Variants in ATP2A2 observed in about 807,000 individuals in gnomAD.
ATP2A2 encodes the protein sarcoplasmic/endoplasmic reticulum calcium ATPase 2.
A neutral mutation model predicts 109.3 loss-of-function variants in ATP2A2; 14 were observed. The ratio of observed to expected loss-of-function variants is 0.13; its 90% confidence interval spans 0.08 to 0.20. The LOEUF (loss-of-function observed/expected upper bound fraction) is 0.20. ATP2A2 is among the 10% of genes least tolerant of loss of function. The pLI is 1.00. For synonymous variants in ATP2A2, 506 were observed against 490.9 expected, an observed-to-expected ratio of 1.03 and a Z score of -0.41; for missense variants, 657 against 1,321.6, an observed-to-expected ratio of 0.50 and a Z score of 7.80.
intron 11 of ATP2A2, among the ~76,000 whole-genome samples, chr12:110,334,831 G>T (rs567388336): frequency 1.3e-5 from 2 of 151,846 alleles, no homozygotes; most frequent in African/African-American, 4.8e-5. Context: ...CAGGTGATCC[G>T]CCCACCTCGG....
In ATP2A2 at chr12:110,340,899, G is replaced by A; in HGVS notation, c.2002G>A (p.Ala668Thr). 2 of 1,614,200 alleles carry A rather than the reference G, an allele frequency of 1.2e-6. No individual in the cohort carries two copies. The highest frequency in any genetic ancestry group is 8.5e-7 in the Non-Finnish European group (1 of 1,180,034). ...ACTCAACCCCTCCGCCCAGCGAGAC[G>A]CCTGCCTGAACGCCCGCTGTTTTGC... The part of the protein sequence containing the change: ...DELNPSAQRD[A>T]CLNARCFARV... The change falls in exon 14 of 20, where the codon GCC becomes ACC. Residue 668 changes from alanine to threonine, a missense_variant. By Grantham distance (58) the Ala-to-Thr change is moderately conservative. This residue lies in a region of ATP2A2 where 180 missense variants were observed against 329.1 expected (regional missense o/e 0.55). Transcript: ENST00000539276. The surrounding 1 kb of genome is among the most constrained non-coding windows in gnomAD (Gnocchi z 6.0).
chr12:110,313,061 C>G (rs1160223051), intron 5 of ATP2A2, among the ~76,000 whole-genome samples: 1 of 152,036 alleles, frequency 6.6e-6, no homozygotes, highest in Non-Finnish European at 1.5e-5. Flanking sequence ...ATAGCTAAGA[C>G]ATTAAGAACT....
intron 5 of ATP2A2, among the ~76,000 whole-genome samples, chr12:110,300,124 C>T (rs1437994758): frequency 1.5e-5 from 2 of 137,914 alleles, no homozygotes; most frequent in Non-Finnish European, 3.2e-5. Flanking sequence ...TTTCCCTCCC[C>T]TCCCCTCCCC....
intron 6 of ATP2A2, 46 bp from the exon 7 acceptor site, chr12:110,326,344 G>C (rs191476843): frequency 1.6e-4 from 238 of 1,534,552 alleles, no homozygotes; most frequent in Middle Eastern, 1.5e-3. Context: ...TAGGTTCTTG[G>C]TGTGGGTCGC....
intron 4 of ATP2A2, 53 bp downstream of exon 4, chr12:110,292,177 G>C: frequency 7.9e-7 from 1 of 1,260,906 alleles, no homozygotes; most frequent in South Asian, 1.2e-5. Flanking sequence ...TAAGTGATTA[G>C]GGCTGTATTA....
At chr12:110,290,900 A>G (rs1210604306) in intron 3 of ATP2A2, among the ~76,000 whole-genome samples, 1 of 151,080 alleles carries the variant, frequency 6.6e-6, no homozygotes, top group African/African-American at 2.4e-5. Flanking sequence ...CACCACACCC[A>G]GCCATGAAGT....
intron 5 of ATP2A2, among the ~76,000 whole-genome samples, chr12:110,301,700 T>TA (rs149472674): frequency 3.7e-3 from 560 of 152,326 alleles, no homozygotes; most frequent in Non-Finnish European, 5.4e-3. Flanking sequence ...ATTCATCTGC[T>TA]AAAAAACCCT....
chr12:110,337,527 G>T (rs1012628199), intron 11 of ATP2A2, among the ~76,000 whole-genome samples: 2 of 152,210 alleles, frequency 1.3e-5, no homozygotes, highest in African/African-American at 4.8e-5. Context: ...TTCCTTTGCT[G>T]CCTGAGACGG....
chr12:110,283,529 A>G (rs889589255), intron 3 of ATP2A2, among the ~76,000 whole-genome samples: 2 of 152,200 alleles, frequency 1.3e-5, no homozygotes, highest in African/African-American at 4.8e-5. Context: ...TGGGGTGGCA[A>G]GTATATTTCT....
intron 6 of ATP2A2, among the ~76,000 whole-genome samples, chr12:110,325,303 C>T (rs186576529): frequency 4.2e-4 from 64 of 152,186 alleles, no homozygotes; most frequent in African/African-American, 1.4e-3. Context: ...ATATTTTACT[C>T]AGATTGACCC....
intron 3 of ATP2A2, among the ~76,000 whole-genome samples, chr12:110,284,568 G>T (rs1872483697): frequency 6.6e-6 from 1 of 152,022 alleles, no homozygotes; most frequent in African/African-American, 2.4e-5. Context: ...TGTGGGTTTT[G>T]TTTGTTCATT....
chr12:110,296,674 A>C lies in ATP2A2; in HGVS notation c.400A>C (p.Arg134=), dbSNP rs1873994050. 1 of 1,614,076 alleles carries C rather than the reference A, an allele frequency of 6.2e-7. No individual in the cohort carries two copies. The highest frequency in any genetic ancestry group is 8.5e-7 in the Non-Finnish European group (1 of 1,180,034). Residue 134 remains arginine, a synonymous_variant, in exon 5 of 20, where the codon AGA becomes CGA. Coordinates refer to ENST00000539276, the MANE Select transcript of ATP2A2 (RefSeq NM_170665.4). ...AATGGGCAAAGTGTATCGACAGGACAGAAAGAGTGTGCAGCGGATTAAAGC... is the reference window on the plus strand; with the variant it reads ...AATGGGCAAAGTGTATCGACAGGACCGAAAGAGTGTGCAGCGGATTAAAGC... The part of the protein sequence containing the change: ...PEMGKVYRQD[R]KSVQRIKAKD...
Position 110,314,498 on chromosome 12 carries a change from G to A in ATP2A2, c.464-8494G>A, listed in dbSNP as rs570765997. Among the ~76,000 whole-genome samples, 7 of 152,266 alleles carry A rather than the reference G, an allele frequency of 4.6e-5. No individual in the cohort carries two copies. In the East Asian group the frequency reaches 5.8e-4, roughly 13 times the overall value. On this transcript the variant is annotated intron_variant, in intron 5 of 19. Transcript: ENST00000539276. The stretch of plus-strand genomic sequence containing the variant: ...ACGAAGATGTTAACCCTGTAACACC[G>A]TAAAAGGAAATGTTAGAAATAACTA...
chr12:110,333,910 A>G lies in ATP2A2; in HGVS notation c.1288-102A>G, dbSNP rs946686179. The G allele has an allele frequency of 1.8e-5, 28 of 1,519,142 alleles. No homozygotes were observed. The Admixed American group carries it at 2.5e-4, about 14-fold the overall frequency. 94.1% of individuals were successfully genotyped at this position (1,519,142 alleles called of 1,614,324 possible). On this transcript the variant is annotated intron_variant, in intron 10 of 19. Coordinates refer to ENST00000539276, the MANE Select transcript of ATP2A2 (RefSeq NM_170665.4). ...GATAAAAATGGCCTTACAGTGTTGTAATAGAGGACAGATTGTGCTTTTGTG... is the reference window on the plus strand; with the variant it reads ...GATAAAAATGGCCTTACAGTGTTGTGATAGAGGACAGATTGTGCTTTTGTG...
In ATP2A2 at chr12:110,348,701, C is replaced by CA. The variant is rs1322147287; in HGVS notation, c.*2240dup. On this transcript the variant is annotated 3_prime_UTR_variant, in exon 20 of 20. Coordinates refer to ENST00000539276, the MANE Select transcript of ATP2A2 (RefSeq NM_170665.4). ...CCTGGGCAACAGAGTGAGGCCCTGT[C>CA]AAAAAAAAATCAGCCTTACTGTGAA... 1.7e-4 allele frequency: 166 copies of CA among 982,706 alleles called. No individual in the cohort carries two copies. The highest frequency in any genetic ancestry group is 1.0e-3 in the Middle Eastern group (2 of 1,908). The allele number at this position is 982,706 out of a possible 1,614,324, so 60.9% of individuals were successfully genotyped here.
chr12:110,296,813 T>G (rs1874009125), intron 5 of ATP2A2, 76 bp downstream of exon 5: 2 of 1,486,688 alleles, frequency 1.3e-6, no homozygotes, highest in Non-Finnish European at 1.9e-6. Flanking sequence ...GGCTCATAAT[T>G]ATATTTAAAA....
chr12:110,317,877 A>G (rs562915866), intron 5 of ATP2A2, among the ~76,000 whole-genome samples: 1 of 152,342 alleles, frequency 6.6e-6, no homozygotes, highest in South Asian at 2.1e-4. Context: ...TGTAATAGCA[A>G]ATTAAAGAGC....
At chr12:110,313,357 G>T (rs1055230930) in intron 5 of ATP2A2, among the ~76,000 whole-genome samples, 10 of 134,128 alleles carry the variant, frequency 7.5e-5, no homozygotes, top group Non-Finnish European at 1.2e-4. Context: ...CTGTCGCCCA[G>T]GCTGGAGTGC....
In ATP2A2 at chr12:110,281,823, G is replaced by T. The variant is rs1232327642; in HGVS notation, c.34G>T (p.Val12Leu). ...CGCGCACACCAAGACGGTGGAGGAG[G>T]TGCTGGGCCACTTCGGCGTCAACGA... ...ENAHTKTVEE[V>L]LGHFGVNEST... The change falls in exon 1 of 20, where the codon GTG becomes TTG. Residue 12 changes from valine to leucine, a missense_variant. By Grantham distance (32) the Val-to-Leu change is conservative. This residue lies in a region of ATP2A2 where 64 missense variants were observed against 65.4 expected (regional missense o/e 0.98). Coordinates refer to ENST00000539276, the MANE Select transcript of ATP2A2 (RefSeq NM_170665.4). 1 of 1,558,086 alleles carries T rather than the reference G, an allele frequency of 6.4e-7. No homozygotes were observed. The highest frequency in any genetic ancestry group is 1.4e-5 in the African/African-American group (1 of 71,952).
Sources: allele counts gnomAD v4.1 joint callset (sites outside exome capture counted in the v4.1 genomes callset), GRCh38; gene constraint gnomAD v4.1.1; regional missense constraint gnomAD v4.1.1; non-coding constraint Gnocchi (gnomAD v3.1); transcripts MANE v1.5; gene names NCBI Gene and HGNC (gene_info 2026-07-23, HGNC 2026-07-21).